The following PNLIPRP3 variants were observed in gnomAD, a reference collection of about 807,000 sequenced individuals.
PNLIPRP3 encodes pancreatic lipase-related protein 3.
In PNLIPRP3, 58 loss-of-function variants were observed where a neutral mutation model predicts 52.8. The ratio of observed to expected loss-of-function variants is 1.10; its 90% CI spans 0.89 to 1.37. PNLIPRP3 has a LOEUF of 1.37. Ranked by LOEUF, PNLIPRP3 falls within the 40% of genes most tolerant of loss-of-function variation. PNLIPRP3 has a pLI of 0.00. For missense variants in PNLIPRP3, 593 were observed against 561.6 expected, an observed-to-expected ratio of 1.06 and a Z score of -0.57; for synonymous variants, 192 against 185.0, an observed-to-expected ratio of 1.04 and a Z score of -0.31.
chr10:116,477,161 T>C lies in PNLIPRP3; in HGVS notation c.*8T>C, dbSNP rs1370553516. 3.2e-6 allele frequency: 5 copies of C among 1,578,410 alleles called. No individual in the cohort carries two copies. Among genetic ancestry groups the C allele is most frequent in the Non-Finnish European group, 4.3e-6 (5 of 1,151,246 alleles). ...AACCTGAAACCATGCTAATCTCAGA[T>C]ACAGTCTTGATGGATTTCTTTAGTA... On this transcript the variant is annotated 3_prime_UTR_variant, in exon 12 of 12. Coordinates refer to ENST00000369230, the MANE Select transcript of PNLIPRP3 (RefSeq NM_001011709.3).
intron 7 of PNLIPRP3, among the ~76,000 whole-genome samples, chr10:116,461,803 T>C (rs950963092): frequency 1.3e-5 from 2 of 152,112 alleles, no homozygotes; most frequent in Non-Finnish European, 2.9e-5. Flanking sequence ...GAGTCCTTAC[T>C]GAAAAGATGA....
intron 10 of PNLIPRP3, 64 bp from the exon 11 acceptor site, chr10:116,476,588 G>A: frequency 7.5e-7 from 1 of 1,331,618 alleles, no homozygotes. Context: ...ACACAGATGT[G>A]TTTTCTTTCA....
intron 4 of PNLIPRP3, among the ~76,000 whole-genome samples, chr10:116,449,159 A>G (rs1017644978): frequency 5.9e-5 from 9 of 152,300 alleles, no homozygotes; most frequent in African/African-American, 1.9e-4. Flanking sequence ...TGATCTTGCC[A>G]CTGCACTCCA....
intron 4 of PNLIPRP3, among the ~76,000 whole-genome samples, chr10:116,449,233 C>T (rs2133128436): frequency 6.6e-6 from 1 of 152,224 alleles, no homozygotes; most frequent in Non-Finnish European, 1.5e-5. Context: ...ACAATAAGTC[C>T]TTCTCCATCA....
chr10:116,443,063 T>A lies in PNLIPRP3; in HGVS notation c.213T>A (p.Ser71Arg). The change falls in exon 3 of 12, where the codon AGT (serine) becomes AGA (arginine). Residue 71 changes from serine to arginine, a missense_variant. Physicochemically the swap from Ser to Arg is moderately radical, Grantham distance 110. Coordinates refer to ENST00000369230, the MANE Select transcript of PNLIPRP3 (RefSeq NM_001011709.3). ...CTTTCTGCTTGAAACAGGAGATCAGTGCGGTTAATTCTTCAACTATCCAAG... is the reference window on the plus strand; with the variant it reads ...CTTTCTGCTTGAAACAGGAGATCAGAGCGGTTAATTCTTCAACTATCCAAG... ...IHNPNAYQEI[S>R]AVNSSTIQAS... The A allele has an allele frequency of 6.3e-7, 1 of 1,592,754 alleles. No individual in the cohort carries two copies. The highest frequency in any genetic ancestry group is 8.6e-7 in the Non-Finnish European group (1 of 1,165,570).
chr10:116,456,373 G>A (rs941725869), intron 5 of PNLIPRP3, among the ~76,000 whole-genome samples: 4 of 152,150 alleles, frequency 2.6e-5, no homozygotes, highest in African/African-American at 9.7e-5. Flanking sequence ...AATGATTATG[G>A]CGATGGATGT....
In PNLIPRP3 at chr10:116,471,853, G is replaced by A; in HGVS notation, c.1146G>A (p.Arg382=). The part of the protein sequence containing the change: ...TVFLRVGGAV[R]KTGEFAIVSG... ...TTCTTCGTGTAGGCGGGGCAGTTAGGAAAACTGGGGAGTTTGCCATTGTCA... is the reference window on the plus strand; with the variant it reads ...TTCTTCGTGTAGGCGGGGCAGTTAGAAAAACTGGGGAGTTTGCCATTGTCA... The change falls in exon 10 of 12, where the codon AGG becomes AGA. Residue 382 remains arginine (R), a synonymous_variant. Transcript: ENST00000369230. The A allele has an allele frequency of 6.3e-7, 1 of 1,597,046 alleles. No homozygotes were observed. Among genetic ancestry groups the A allele is most frequent in the African/African-American group, 1.3e-5 (1 of 74,410 alleles).
Position 116,471,883 on chromosome 10 carries a change from G to A in PNLIPRP3, c.1172+4G>A. On this transcript the variant is annotated splice_donor_region_variant and intron_variant, in intron 10 of 11. Coordinates refer to ENST00000369230, the MANE Select transcript of PNLIPRP3 (RefSeq NM_001011709.3). Reference sequence around the variant, plus strand: ...CTGGGGAGTTTGCCATTGTCAGGTAGGCAGAGTGAGAAACTGACGCTTTGC... The same window carrying A: ...CTGGGGAGTTTGCCATTGTCAGGTAAGCAGAGTGAGAAACTGACGCTTTGC... The A allele has an allele frequency of 6.5e-7, 1 of 1,546,254 alleles. No individual in the cohort carries two copies.
rs199970109 is a variant in PNLIPRP3, at chr10:116,461,012, C to T, written c.612C>T (p.Val204=). Residue 204 remains valine (V), a synonymous_variant, in exon 6 of 12, where the codon GTC becomes GTT. Coordinates refer to ENST00000369230, the MANE Select transcript of PNLIPRP3 (RefSeq NM_001011709.3). ...GPFFHNTPKE[V]RLDPSDANFV... ...TTTTCCACAACACTCCAAAGGAAGT[C>T]AGGCTAGACCCCTCGGATGCCAACT... The T allele has an allele frequency of 3.8e-4, 621 of 1,613,390 alleles. 10 individuals carry two copies. In the South Asian group the frequency reaches 6.6e-3, roughly 17 times the overall value.
intron 5 of PNLIPRP3, among the ~76,000 whole-genome samples, chr10:116,460,176 C>A (rs1846171687): frequency 6.6e-6 from 1 of 152,224 alleles, no homozygotes. Context: ...GCACGGAGGA[C>A]ACTGACTGGG....
chr10:116,430,188 G>C (rs568711189), intron 1 of PNLIPRP3, among the ~76,000 whole-genome samples: 1 of 152,280 alleles, frequency 6.6e-6, no homozygotes, highest in East Asian at 1.9e-4. Context: ...ATATCTGCAG[G>C]TAGCTGGATA....
At chr10:116,471,669 C>T in intron 9 of PNLIPRP3, 99 bp from the exon 10 acceptor site, 1 of 934,608 alleles carries the variant, frequency 1.1e-6, no homozygotes, top group South Asian at 1.4e-5. Flanking sequence ...TCAAATACAA[C>T]CCTGAAAATT....
At chr10:116,454,326 G>T (rs555302521) in intron 4 of PNLIPRP3, among the ~76,000 whole-genome samples, 7 of 151,980 alleles carry the variant, frequency 4.6e-5, no homozygotes, top group Non-Finnish European at 1.0e-4. Flanking sequence ...CACTATGTTG[G>T]TCAGGCTGGT....
chr10:116,456,038 A>G (rs777571127), intron 5 of PNLIPRP3, among the ~76,000 whole-genome samples: 4 of 152,250 alleles, frequency 2.6e-5, no homozygotes, highest in African/African-American at 4.8e-5. Context: ...CTGTGGTGAC[A>G]AAGTAAGAGA....
chr10:116,464,572 G>T (rs1055768667), intron 7 of PNLIPRP3, among the ~76,000 whole-genome samples: 6 of 152,192 alleles, frequency 3.9e-5, no homozygotes, highest in Admixed American at 2.0e-4. Context: ...ACAGGCACTG[G>T]TTCCACACGA....
At chr10:116,440,753 T>C (rs1267571061) in intron 2 of PNLIPRP3, among the ~76,000 whole-genome samples, 1 of 152,188 alleles carries the variant, frequency 6.6e-6, no homozygotes, top group Non-Finnish European at 1.5e-5. Context: ...CATGAATCCA[T>C]GACACCTTAA....
In PNLIPRP3 at chr10:116,443,134, G is replaced by A. The variant is rs1228188141; in HGVS notation, c.284G>A (p.Gly95Glu). ...TDKITRINIA[G>E]WKTDGKWQRD... ...AAGATCACCCGTATCAACATAGCTGGATGGAAAACAGATGGCAAATGGCAG... is the reference window on the plus strand; with the variant it reads ...AAGATCACCCGTATCAACATAGCTGAATGGAAAACAGATGGCAAATGGCAG... The change falls in exon 3 of 12, where the codon GGA (glycine) becomes GAA (glutamate). Residue 95 changes from glycine to glutamate, a missense_variant. Coordinates refer to ENST00000369230, the MANE Select transcript of PNLIPRP3 (RefSeq NM_001011709.3). The A allele has an allele frequency of 6.2e-7, 1 of 1,611,300 alleles. No individual in the cohort carries two copies. The highest frequency in any genetic ancestry group is 8.5e-7 in the Non-Finnish European group (1 of 1,178,360).
intron 10 of PNLIPRP3, among the ~76,000 whole-genome samples, chr10:116,474,956 A>T (rs1388171433): frequency 6.6e-6 from 1 of 152,226 alleles, no homozygotes; most frequent in Non-Finnish European, 1.5e-5. Context: ...AGGAATAGAA[A>T]TTGTTCTATT....
At chr10:116,446,499 GA>G (rs970123894) in intron 4 of PNLIPRP3, among the ~76,000 whole-genome samples, 1 of 151,954 alleles carries the variant, frequency 6.6e-6, no homozygotes, top group Admixed American at 6.6e-5. Context: ...ATAACTGGTG[GA>G]AAAAAATGGA....
Sources: allele counts gnomAD v4.1 joint callset (sites outside exome capture counted in the v4.1 genomes callset), GRCh38; gene constraint gnomAD v4.1.1; transcripts MANE v1.5; gene names NCBI Gene and HGNC (gene_info 2026-07-23, HGNC 2026-07-21).